RPA1: variants seen among roughly 807,000 people sequenced by gnomAD.
The protein encoded by RPA1 is replication protein A 70 kDa DNA-binding subunit.
A neutral mutation model predicts 83.0 loss-of-function variants in RPA1; 49 were observed. That is an observed-to-expected ratio of 0.59 (90% CI 0.47 to 0.75). The LOEUF is 0.75. RPA1 is among the 30% of genes least tolerant of loss of function. RPA1 has a pLI of 0.00. For missense variants in RPA1, 693 were observed against 776.1 expected (o/e 0.89, Z 1.27); for synonymous variants, 279 against 281.8 (o/e 0.99, Z 0.10).
intron 6 of RPA1, 91 bp downstream of exon 6, chr17:1,872,617 C>G: frequency 6.5e-7 from 1 of 1,528,014 alleles, no homozygotes; most frequent in South Asian, 1.2e-5. Context: ...GGGAGTTTTC[C>G]AAATGCCATT....
intron 5 of RPA1, among the ~76,000 whole-genome samples, chr17:1,857,511 G>A (rs1256801014): frequency 6.6e-6 from 1 of 151,524 alleles, no homozygotes; most frequent in Non-Finnish European, 1.5e-5. Context: ...AGCTGGGACA[G>A]ACTAATTCCC....
rs201456245 is a variant in RPA1, at chr17:1,833,237, T to TA, written c.33+3114dup. On this transcript the variant is annotated intron_variant, in intron 1 of 16. Coordinates refer to ENST00000254719, the MANE Select transcript of RPA1 (RefSeq NM_002945.5). ...ACTGTGCCTGGCCTAATACTTTGTG[T>TA]AAATTCCATGAGGCCTGCAATCATG... Among the ~76,000 whole-genome samples the TA allele has an allele frequency of 1.2e-3, 180 of 152,340 alleles. 1 individual carries two copies. The East Asian group carries it at 0.027, about 23-fold the overall frequency.
chr17:1,877,076 T>G, intron 7 of RPA1, 136 bp from the exon 8 acceptor site: 1 of 749,942 alleles, frequency 1.3e-6, no homozygotes, highest in Non-Finnish European at 2.3e-6. Context: ...CATCTTGGGG[T>G]TTTAATTAGC....
At chr17:1,870,527 A>G (rs961765631) in intron 5 of RPA1, among the ~76,000 whole-genome samples, 2 of 152,248 alleles carry the variant, frequency 1.3e-5, no homozygotes, top group African/African-American at 4.8e-5. Flanking sequence ...AGTGACATTA[A>G]GTCCATTAAC....
chr17:1,887,599 G>GA (rs1383961624), intron 13 of RPA1, among the ~76,000 whole-genome samples: 3 of 150,032 alleles, frequency 2.0e-5, no homozygotes, highest in African/African-American at 7.4e-5. Context: ...TGATAATAAT[G>GA]AAAAAGGGCC....
chr17:1,879,059 A>T lies in RPA1; in HGVS notation c.757A>T (p.Lys253Ter). 6.2e-7 allele frequency: 1 copy of T among 1,614,192 alleles called. No individual in the cohort carries two copies. Among genetic ancestry groups the T allele is most frequent in the Non-Finnish European group, 8.5e-7 (1 of 1,180,028 alleles). Residue 253 changes from lysine (K) to a stop codon, truncating the protein, a stop_gained and splice_region_variant, in exon 9 of 17, where the codon AAG (lysine) becomes TAG (stop). Transcript: ENST00000254719. LOFTEE classifies it high-confidence loss of function. ...GTTCTTTCCTCTTATTGAAGTGAACAAGGTATGGCCGTGCTGACTTTAGAA... is the reference window on the plus strand; with the variant it reads ...GTTCTTTCCTCTTATTGAAGTGAACTAGGTATGGCCGTGCTGACTTTAGAA... The part of the protein sequence containing the change: ...DKFFPLIEVN[K>*]VYYFSKGTLK...
Position 1,879,285 on chromosome 17 carries a change from A to T in RPA1, c.830A>T (p.Glu277Val). 6.2e-7 allele frequency: 1 copy of T among 1,614,196 alleles called. No individual in the cohort carries two copies. Residue 277 changes from glutamate (E) to valine (V), a missense_variant, in exon 10 of 17, where the codon GAG becomes GTG. By Grantham distance (121) the Glu-to-Val change is moderately radical. Coordinates refer to ENST00000254719, the MANE Select transcript of RPA1 (RefSeq NM_002945.5). Reference sequence around the variant, plus strand: ...TTCACAGCTGTTAAAAATGACTACGAGATGACCTTCAATAACGAGACTTCC... The same window carrying T: ...TTCACAGCTGTTAAAAATGACTACGTGATGACCTTCAATAACGAGACTTCC... The part of the protein sequence containing the change: ...KQFTAVKNDY[E>V]MTFNNETSVM...
intron 1 of RPA1, among the ~76,000 whole-genome samples, chr17:1,838,776 C>T (rs956537639): frequency 6.6e-6 from 1 of 152,108 alleles, no homozygotes; most frequent in Non-Finnish European, 1.5e-5. Flanking sequence ...TACAGATATT[C>T]AGTTGTTCCA....
chr17:1,890,161 G>A lies in RPA1; in HGVS notation c.1551+1310G>A, dbSNP rs1224182361. Among the ~76,000 whole-genome samples, 5 of 151,830 alleles carry A rather than the reference G, an allele frequency of 3.3e-5. No individual in the cohort carries two copies. The East Asian group carries it at 9.7e-4, about 30-fold the overall frequency. On this transcript the variant is annotated intron_variant, in intron 14 of 16. Transcript: ENST00000254719. ...GAGGCAGGATGATTGCTTGAGGCTG[G>A]GAGTTCGATATCAGCCTGGGCAACA... is the stretch of plus-strand genomic sequence containing the variant.
At chr17:1,866,596 C>T (rs750135459) in intron 5 of RPA1, among the ~76,000 whole-genome samples, 24 of 152,068 alleles carry the variant, frequency 1.6e-4, no homozygotes, top group Non-Finnish European at 2.8e-4. Context: ...GGATTATAGG[C>T]GTGGGCCACT....
intron 4 of RPA1, among the ~76,000 whole-genome samples, chr17:1,851,694 A>G (rs1400003700): frequency 6.6e-6 from 1 of 152,150 alleles, no homozygotes; most frequent in Non-Finnish European, 1.5e-5. Context: ...TAGGCCTTCT[A>G]TTTTTATATG....
chr17:1,843,887 A>AACCT, intron 2 of RPA1, 33 bp from the exon 3 acceptor site: 1 of 1,598,842 alleles, frequency 6.3e-7, no homozygotes, highest in Non-Finnish European at 8.6e-7. Flanking sequence ...CGGGGCAGAC[A>AACCT]ACCTGGCTAA....
intron 5 of RPA1, among the ~76,000 whole-genome samples, chr17:1,866,472 G>T (rs1484854460): frequency 6.6e-6 from 1 of 151,906 alleles, no homozygotes; most frequent in Non-Finnish European, 1.5e-5. Context: ...CCACCACCAC[G>T]CCCGGCTAAA....
intron 12 of RPA1, among the ~76,000 whole-genome samples, chr17:1,883,223 C>G (rs1030901678): frequency 6.6e-6 from 1 of 152,160 alleles, no homozygotes; most frequent in African/African-American, 2.4e-5. Flanking sequence ...ATGGCGCCAT[C>G]TCGGCTCACT....
At chr17:1,883,702 TG>T in intron 12 of RPA1, 109 bp from the exon 13 acceptor site, 2 of 1,410,548 alleles carry the variant, frequency 1.4e-6, no homozygotes, top group Non-Finnish European at 2.0e-6. Flanking sequence ...GTGTGAAAGC[TG>T]GGCGGGTGGT....
In RPA1 at chr17:1,853,146, A is replaced by C; in HGVS notation, c.318A>C (p.Glu106Asp). 1 of 1,614,212 alleles carries C rather than the reference A, an allele frequency of 6.2e-7. No homozygotes were observed. The highest frequency in any genetic ancestry group is 8.5e-7 in the Non-Finnish European group (1 of 1,180,046). ...LMELEVLKSAEAVGVKIGNPV... is the reference protein window; with the variant it reads ...LMELEVLKSADAVGVKIGNPV... ...AATTAGAAGTTTTGAAGTCAGCTGA[A>C]GCAGTTGGAGTGAAGATTGGCAATC... Residue 106 changes from glutamate (E) to aspartate (D), a missense_variant, in exon 5 of 17, where the codon GAA (glutamate) becomes GAC (aspartate). Glu to Asp is a conservative substitution (Grantham distance 45). Coordinates refer to ENST00000254719, the MANE Select transcript of RPA1 (RefSeq NM_002945.5).
At chr17:1,881,017 G>A (rs1913774657) in intron 12 of RPA1, among the ~76,000 whole-genome samples, 1 of 152,194 alleles carries the variant, frequency 6.6e-6, no homozygotes, top group South Asian at 2.1e-4. Flanking sequence ...CAGGGTTTAG[G>A]CTCTGGGCCT....
intron 4 of RPA1, among the ~76,000 whole-genome samples, chr17:1,847,123 C>T (rs1192727220): frequency 6.6e-6 from 1 of 152,102 alleles, no homozygotes; most frequent in Non-Finnish European, 1.5e-5. Context: ...TGTTGCTTTC[C>T]CTTTTATGCA....
Position 1,879,315 on chromosome 17 carries a change from T to C in RPA1, c.860T>C (p.Met287Thr). The C allele has an allele frequency of 6.2e-7, 1 of 1,614,218 alleles. No individual in the cohort carries two copies. Among genetic ancestry groups the C allele is most frequent in the Non-Finnish European group, 8.5e-7 (1 of 1,180,038 alleles). Residue 287 changes from methionine to threonine, a missense_variant, in exon 10 of 17, where the codon ATG (methionine) becomes ACG (threonine). Coordinates refer to ENST00000254719, the MANE Select transcript of RPA1 (RefSeq NM_002945.5). ...EMTFNNETSV[M>T]PCEDDHHLPT... The stretch of plus-strand genomic sequence containing the variant: ...ACCTTCAATAACGAGACTTCCGTCA[T>C]GCCCTGTGAGGACGACCATCATTTA...
Sources: gnomAD v4.1 joint callset for allele counts (sites outside exome capture counted in the v4.1 genomes callset) on GRCh38, gnomAD v4.1.1 for gene constraint, MANE v1.5 for transcripts, NCBI Gene and HGNC (gene_info 2026-07-23, HGNC 2026-07-21) for gene names.